The following CRB1 variants were observed in gnomAD, a reference collection of about 807,000 sequenced individuals.
CRB1 encodes crumbs cell polarity complex component 1.
In CRB1, 83 loss-of-function variants were observed where a neutral mutation model predicts 120.0. The observed-to-expected ratio is 0.69, with a 90% CI of 0.58 to 0.83. CRB1 has a LOEUF of 0.83. Among genes scored for constraint, CRB1 ranks in the 40% least tolerant of loss-of-function variants. The probability of loss-of-function intolerance (pLI) is 0.00; values close to 1 mark genes in which losing one functional copy is unlikely to be tolerated. For missense variants in CRB1, 1,699 were observed against 1,687.6 expected (o/e 1.01, Z -0.12); for synonymous variants, 625 against 612.5 (o/e 1.02, Z -0.30).
In CRB1 at chr1:197,477,906, A is replaced by T; in HGVS notation, c.*27A>T. ...AGCATTGTGTCCCTTCGAGATGGGGATCCACACACTGTGAATGTGATGACT... is the reference window on the plus strand; with the variant it reads ...AGCATTGTGTCCCTTCGAGATGGGGTTCCACACACTGTGAATGTGATGACT... On this transcript the variant is annotated 3_prime_UTR_variant, in exon 12 of 12. Transcript: ENST00000367400. 2.5e-6 allele frequency: 4 copies of T among 1,601,724 alleles called. No individual in the cohort carries two copies. The highest frequency in any genetic ancestry group is 3.4e-6 in the Non-Finnish European group (4 of 1,169,002).
intron 11 of CRB1, among the ~76,000 whole-genome samples, chr1:197,446,066 T>C (rs905695507): frequency 6.6e-6 from 1 of 152,032 alleles, no homozygotes; most frequent in African/African-American, 2.4e-5. Context: ...GGCGCATGCC[T>C]GTAATCCCAG....
the CRB1 span, among the ~76,000 whole-genome samples, chr1:197,246,771 T>G: frequency 6.6e-6 from 1 of 152,126 alleles, no homozygotes; most frequent in African/African-American, 2.4e-5. Context: ...TACATTCACA[T>G]ACATATTGTC....
chr1:197,276,423 G>T (rs1056693556), intron 1 of CRB1, among the ~76,000 whole-genome samples: 2 of 151,432 alleles, frequency 1.3e-5, no homozygotes, highest in Non-Finnish European at 2.9e-5. Flanking sequence ...ATTGAGGGCC[G>T]TAAATCTATA....
intron 5 of CRB1, among the ~76,000 whole-genome samples, chr1:197,373,942 G>A (rs2125387464): frequency 6.6e-6 from 1 of 152,248 alleles, no homozygotes; most frequent in South Asian, 2.1e-4. Context: ...ATATTAGCAA[G>A]GCACCAATGG....
At chr1:197,231,413 G>A in the CRB1 span, among the ~76,000 whole-genome samples, 1 of 152,128 alleles carries the variant, frequency 6.6e-6, no homozygotes, top group African/African-American at 2.4e-5. Context: ...CTGTTGCCAG[G>A]TGAGTAGACA....
At chr1:197,316,522 G>A (rs1030911621) in intron 1 of CRB1, among the ~76,000 whole-genome samples, 1 of 152,098 alleles carries the variant, frequency 6.6e-6, no homozygotes, top group African/African-American at 2.4e-5. Flanking sequence ...AAGAACCAAA[G>A]CACCATAAAC....
intron 5 of CRB1, among the ~76,000 whole-genome samples, chr1:197,417,727 A>G (rs1375264428): frequency 2.0e-5 from 3 of 152,174 alleles, no homozygotes; most frequent in African/African-American, 7.2e-5. Flanking sequence ...CCATGGAGCC[A>G]TATTGTATCA....
chr1:197,468,072 G>A (rs906279596), intron 11 of CRB1, among the ~76,000 whole-genome samples: 2 of 152,140 alleles, frequency 1.3e-5, no homozygotes, highest in African/African-American at 4.8e-5. Context: ...TCCCAGGCAT[G>A]CAGGAAATAT....
At chr1:197,360,021 T>G (rs1032482478) in intron 5 of CRB1, among the ~76,000 whole-genome samples, 1 of 152,194 alleles carries the variant, frequency 6.6e-6, no homozygotes, top group Non-Finnish European at 1.5e-5. Flanking sequence ...TACCTAAGTA[T>G]TTCATTTTCT....
intron 11 of CRB1, among the ~76,000 whole-genome samples, chr1:197,467,001 T>C (rs1024617895): frequency 6.6e-6 from 1 of 152,124 alleles, no homozygotes; most frequent in African/African-American, 2.4e-5. Context: ...TATCTTAGTG[T>C]CTGGGAGAGG....
At chr1:197,204,558 G>T in the CRB1 span, among the ~76,000 whole-genome samples, 2 of 151,924 alleles carry the variant, frequency 1.3e-5, no homozygotes, top group Non-Finnish European at 2.9e-5. Context: ...TCATATGTTT[G>T]TTGGCCATTT....
the CRB1 span, among the ~76,000 whole-genome samples, chr1:197,259,039 C>T: frequency 4.5e-4 from 68 of 152,144 alleles, no homozygotes; most frequent in South Asian, 0.013. Context: ...CAGATGCTGG[C>T]GAGGTTGTGG....
the CRB1 span, among the ~76,000 whole-genome samples, chr1:197,208,001 A>G: frequency 6.6e-6 from 1 of 151,894 alleles, no homozygotes; most frequent in East Asian, 1.9e-4. Context: ...CTACCTGTTC[A>G]ATTCTATTGC....
At chr1:197,387,428 C>T (rs1662273648) in intron 5 of CRB1, among the ~76,000 whole-genome samples, 2 of 152,130 alleles carry the variant, frequency 1.3e-5, no homozygotes. Flanking sequence ...TTTGGTAATT[C>T]TCCCTTTCTT....
intron 1 of CRB1, among the ~76,000 whole-genome samples, chr1:197,290,221 C>T (rs1030011231): frequency 3.3e-5 from 5 of 150,660 alleles, no homozygotes; most frequent in African/African-American, 1.2e-4. Flanking sequence ...TGCAAAGTAG[C>T]CAAGGATACC....
chr1:197,411,184 A>T (rs181979782), intron 5 of CRB1, among the ~76,000 whole-genome samples: 5 of 152,262 alleles, frequency 3.3e-5, no homozygotes, highest in Non-Finnish European at 5.9e-5. Context: ...TCCATATCTT[A>T]TCGCTGTCTC....
intron 1 of CRB1, among the ~76,000 whole-genome samples, chr1:197,292,924 ATC>A (rs1179594472): frequency 6.6e-6 from 1 of 152,124 alleles, no homozygotes; most frequent in East Asian, 1.9e-4. Context: ...AAAAAATAAG[ATC>A]TGTTTATGAC....
chr1:197,260,783 G>A, the CRB1 span, among the ~76,000 whole-genome samples: 1 of 150,830 alleles, frequency 6.6e-6, no homozygotes, highest in Admixed American at 6.6e-5. Context: ...TGCAACCTCC[G>A]CCTCCCAGGT....
chr1:197,266,875 G>T (rs1254107895), upstream of CRB1, among the ~76,000 whole-genome samples: 1 of 151,930 alleles, frequency 6.6e-6, no homozygotes, highest in South Asian at 2.1e-4. Context: ...GGCCTTCCAT[G>T]TTGTAAATTC....
Sources: gnomAD v4.1 joint callset for allele counts (sites outside exome capture counted in the v4.1 genomes callset) on GRCh38, gnomAD v4.1.1 for gene constraint, MANE v1.5 for transcripts, NCBI Gene and HGNC (gene_info 2026-07-23, HGNC 2026-07-21) for gene names.